The following RCL1 variants were observed in gnomAD, a reference collection of about 807,000 sequenced individuals.
RCL1 encodes the protein RNA terminal phosphate cyclase like 1, also known as RNA 3'-terminal phosphate cyclase-like protein.
A neutral mutation model predicts 42.4 loss-of-function variants in RCL1; 24 were observed. The observed-to-expected ratio is 0.57, with a 90% CI of 0.41 to 0.80. The LOEUF (loss-of-function observed/expected upper bound fraction) is 0.80, where lower values mean the gene tolerates loss of function less well. RCL1 is among the 30% of genes least tolerant of loss of function. The pLI, the probability that RCL1 is intolerant of heterozygous loss-of-function variation, is 0.00. For missense variants in RCL1, 578 were observed against 467.9 expected, an observed-to-expected ratio of 1.24 and a Z score of -2.17; for synonymous variants, 228 against 177.3, an observed-to-expected ratio of 1.29 and a Z score of -2.27.
intron 8 of RCL1, chr9:4,850,266 G>A: frequency 1.9e-6 from 1 of 528,432 alleles, no homozygotes; most frequent in Non-Finnish European, 3.9e-6. Flanking sequence ...GAGCTGGGTG[G>A]CAGGGAATAT....
intron 1 of RCL1, among the ~76,000 whole-genome samples, chr9:4,810,454 C>T (rs1248024392): frequency 6.6e-6 from 1 of 152,088 alleles, no homozygotes; most frequent in African/African-American, 2.4e-5. Context: ...TGTTTGTGTG[C>T]CTGGCCTCTT....
intron 5 of RCL1, among the ~76,000 whole-genome samples, chr9:4,836,051 G>A (rs1817118223): frequency 6.6e-6 from 1 of 152,164 alleles, no homozygotes; most frequent in Non-Finnish European, 1.5e-5. Flanking sequence ...GGCGGGGTAG[G>A]ATAAGAGAGT....
At chr9:4,839,584 G>A in intron 5 of RCL1, 2 of 845,082 alleles carry the variant, frequency 2.4e-6, no homozygotes, top group Non-Finnish European at 2.8e-6. Flanking sequence ...ATTCAGGACT[G>A]TTTGTCTAAG....
chr9:4,823,865 A>C (rs189115381), intron 2 of RCL1, among the ~76,000 whole-genome samples: 61 of 152,248 alleles, frequency 4.0e-4, no homozygotes, highest in Admixed American at 3.4e-3. Context: ...TATATGAGGA[A>C]GCTGTGAGTG....
At chr9:4,832,005 C>T (rs62540653) in intron 3 of RCL1, among the ~76,000 whole-genome samples, 3,187 of 152,250 alleles carry the variant, frequency 0.021, 49 homozygotes, top group Middle Eastern at 0.034. Context: ...TGGTGCCTGC[C>T]CTCCCTGCCA....
At chr9:4,850,673 A>G (rs1817712660) in intron 8 of RCL1, among the ~76,000 whole-genome samples, 1 of 152,034 alleles carries the variant, frequency 6.6e-6, no homozygotes, top group Admixed American at 6.6e-5. Context: ...AAATTGAGTA[A>G]TCCTAAATGG....
intron 1 of RCL1, among the ~76,000 whole-genome samples, chr9:4,816,870 G>A (rs1236311956): frequency 2.6e-5 from 4 of 152,164 alleles, no homozygotes; most frequent in East Asian, 1.9e-4. Context: ...AGGCCGGAGT[G>A]CAGTGGCGCG....
At chr9:4,797,886 A>G (rs910977174) in intron 1 of RCL1, among the ~76,000 whole-genome samples, 1 of 152,204 alleles carries the variant, frequency 6.6e-6, no homozygotes, top group East Asian at 1.9e-4. Flanking sequence ...CCAAAGAAGG[A>G]TGGTCCCGGG....
chr9:4,832,835 G>A lies in RCL1; in HGVS notation c.385-319G>A, dbSNP rs1398552311. ...AAAAAAAAAAAAAAAAAAAAAGTAG[G>A]GTTCTCCATTTGTTTTCTACAACAG... On this transcript the variant is annotated intron_variant, in intron 3 of 8. Transcript: ENST00000381750. Among the ~76,000 whole-genome samples, 8 of 150,388 alleles carry A rather than the reference G, an allele frequency of 5.3e-5. No individual in the cohort carries two copies. In the East Asian group the frequency reaches 1.4e-3, roughly 26 times the overall value.
intron 1 of RCL1, among the ~76,000 whole-genome samples, chr9:4,822,501 C>G (rs938589692): frequency 6.6e-6 from 1 of 152,072 alleles, no homozygotes; most frequent in Non-Finnish European, 1.5e-5. Flanking sequence ...TTTCCTCTCC[C>G]CCTCTCTTTC....
chr9:4,798,009 A>G (rs1249179726), intron 1 of RCL1, among the ~76,000 whole-genome samples: 4 of 152,120 alleles, frequency 2.6e-5, no homozygotes, highest in Non-Finnish European at 5.9e-5. Flanking sequence ...GGAAGTAAAT[A>G]TTTTTTCTTG....
intron 6 of RCL1, among the ~76,000 whole-genome samples, chr9:4,842,641 A>G (rs576831991): frequency 2.9e-4 from 44 of 152,368 alleles, no homozygotes; most frequent in African/African-American, 9.9e-4. Flanking sequence ...AAGATCACAC[A>G]TATAAGCCAT....
intron 8 of RCL1, among the ~76,000 whole-genome samples, chr9:4,857,123 C>G (rs1472236388): frequency 6.6e-6 from 1 of 152,134 alleles, no homozygotes; most frequent in Non-Finnish European, 1.5e-5. Context: ...ACACAATTTA[C>G]CCATTTTAAG....
intron 8 of RCL1, among the ~76,000 whole-genome samples, chr9:4,857,589 G>T (rs1017652188): frequency 6.6e-6 from 1 of 150,754 alleles, no homozygotes; most frequent in African/African-American, 2.5e-5. Flanking sequence ...GCAAGTTTTT[G>T]TGTGGGTGTA....
chr9:4,827,591 A>T (rs1816802876), intron 3 of RCL1, among the ~76,000 whole-genome samples: 1 of 151,704 alleles, frequency 6.6e-6, no homozygotes, highest in Non-Finnish European at 1.5e-5. Flanking sequence ...TTTTTATTTT[A>T]TTTTTTTTCA....
chr9:4,809,847 C>T (rs1816110109), intron 1 of RCL1, among the ~76,000 whole-genome samples: 1 of 151,794 alleles, frequency 6.6e-6, no homozygotes, highest in Non-Finnish European at 1.5e-5. Flanking sequence ...GATGGAGTCT[C>T]ACTCTGTCAC....
At chr9:4,829,298 A>G (rs1816871680) in intron 3 of RCL1, among the ~76,000 whole-genome samples, 1 of 152,132 alleles carries the variant, frequency 6.6e-6, no homozygotes, top group Admixed American at 6.6e-5. Context: ...CATTATGGAG[A>G]TGGAAGGAGA....
chr9:4,831,678 CG>C (rs1320876852), intron 3 of RCL1, among the ~76,000 whole-genome samples: 1 of 152,094 alleles, frequency 6.6e-6, no homozygotes, highest in Non-Finnish European at 1.5e-5. Flanking sequence ...CTATGTTGCT[CG>C]GGCTGTAGCT....
chr9:4,818,657 C>T (rs527843466), intron 1 of RCL1, among the ~76,000 whole-genome samples: 1 of 151,900 alleles, frequency 6.6e-6, no homozygotes, highest in African/African-American at 2.4e-5. Flanking sequence ...CTGAGGCAGG[C>T]GGATCACGAG....
Sources: allele counts gnomAD v4.1 joint callset (sites outside exome capture counted in the v4.1 genomes callset), GRCh38; gene constraint gnomAD v4.1.1; transcripts MANE v1.5; gene names NCBI Gene and HGNC (gene_info 2026-07-23, HGNC 2026-07-21).